The following TRABD2B variants were observed in gnomAD, a reference collection of about 807,000 sequenced individuals.
The protein encoded by TRABD2B is metalloprotease TIKI2.
TRABD2B carries 14 observed loss-of-function variants against 40.1 expected under a neutral mutation model. That is an observed-to-expected ratio of 0.35 (90% CI 0.23 to 0.55). The LOEUF is 0.55. Among genes scored for constraint, TRABD2B ranks in the 20% least tolerant of loss-of-function variants. The pLI is 0.90. For missense variants in TRABD2B, 541 were observed against 648.6 expected, an observed-to-expected ratio of 0.83 and a Z score of 1.80; for synonymous variants, 263 against 277.0, an observed-to-expected ratio of 0.95 and a Z score of 0.50.
At chr1:47,951,133 C>A (rs901649635) in intron 2 of TRABD2B, among the ~76,000 whole-genome samples, 5 of 152,218 alleles carry the variant, frequency 3.3e-5, no homozygotes, top group African/African-American at 1.2e-4. Context: ...GGCGTCGACT[C>A]TCCTTTCCTC....
intron 4 of TRABD2B, 28 bp downstream of exon 4, chr1:47,794,558 A>G (rs1644719600): frequency 6.7e-7 from 1 of 1,491,984 alleles, no homozygotes; most frequent in South Asian, 1.3e-5. Flanking sequence ...GATTCTGCAA[A>G]CAATCCCTTC....
At chr1:47,828,308 C>A (rs1190290725) in intron 2 of TRABD2B, among the ~76,000 whole-genome samples, 1 of 152,178 alleles carries the variant, frequency 6.6e-6, no homozygotes, top group African/African-American at 2.4e-5. Context: ...TCCTCACAAA[C>A]AGGCTCCTGA....
intron 4 of TRABD2B, among the ~76,000 whole-genome samples, chr1:47,788,000 A>G (rs919926404): frequency 1.8e-4 from 28 of 152,108 alleles, no homozygotes; most frequent in Non-Finnish European, 2.8e-4. Context: ...GATCAGGATG[A>G]CTTCCTGGTC....
intron 2 of TRABD2B, among the ~76,000 whole-genome samples, chr1:47,926,361 C>T (rs12061891): frequency 0.15 from 22,509 of 152,038 alleles, 1,918 homozygotes; most frequent in East Asian, 0.35. Flanking sequence ...TAGATCTGCC[C>T]GGGCCAAGTC....
chr1:47,972,109 T>C (rs10888592), intron 2 of TRABD2B, among the ~76,000 whole-genome samples: 40,783 of 152,126 alleles, frequency 0.27, 5,535 homozygotes, highest in East Asian at 0.29. Flanking sequence ...ATAAAAATTA[T>C]TGTTATTATT....
rs889155978 is a variant in TRABD2B at position 47,947,281 on chromosome 1, T to A, written c.666+46753A>T. On this transcript the variant is annotated intron_variant, in intron 2 of 6. Coordinates refer to ENST00000606738, the MANE Select transcript of TRABD2B (RefSeq NM_001194986.2). ...TTTATTTCTTGTCACTGTTAATCAC[T>A]GCAACTTTATGAGATTTGTGCTACT... Among the ~76,000 whole-genome samples, 8 of 152,290 alleles carry A rather than the reference T, an allele frequency of 5.3e-5. No homozygotes were observed. The East Asian group carries it at 1.4e-3, about 26-fold the overall frequency.
rs575698342 is a variant in TRABD2B at position 47,980,196 on chromosome 1, G to A, written c.666+13838C>T. On this transcript the variant is annotated intron_variant, in intron 2 of 6. Coordinates refer to ENST00000606738, the MANE Select transcript of TRABD2B (RefSeq NM_001194986.2). ...ATGAGTAACTATATTCCTTCAATCC[G>A]GATCAATATCACCATCAGCACCCAC... 5.9e-5 allele frequency among the ~76,000 whole-genome samples: 9 copies of A among 152,032 alleles called. No homozygotes were observed. The South Asian group carries it at 1.0e-3, about 18-fold the overall frequency.
chr1:47,909,378 C>A (rs577701236), intron 2 of TRABD2B, among the ~76,000 whole-genome samples: 1 of 151,028 alleles, frequency 6.6e-6, no homozygotes, highest in South Asian at 2.1e-4. Context: ...AGCCATGTCA[C>A]AGGGCGAGAG....
At chr1:47,979,803 A>G (rs974561177) in intron 2 of TRABD2B, among the ~76,000 whole-genome samples, 2 of 152,184 alleles carry the variant, frequency 1.3e-5, no homozygotes, top group Non-Finnish European at 1.5e-5. Flanking sequence ...CTCTGGTCTC[A>G]TTCAGTCACC....
At chr1:47,948,127 G>A (rs185656786) in intron 2 of TRABD2B, among the ~76,000 whole-genome samples, 19 of 152,214 alleles carry the variant, frequency 1.2e-4, no homozygotes, top group Admixed American at 5.9e-4. Context: ...TTCTAATGAC[G>A]CAGGCCGTAA....
intron 2 of TRABD2B, among the ~76,000 whole-genome samples, chr1:47,980,227 T>A (rs1399187749): frequency 6.6e-6 from 1 of 152,100 alleles, no homozygotes; most frequent in African/African-American, 2.4e-5. Context: ...CCCACCCCCA[T>A]AACATGGTGC....
At chr1:47,779,584 A>G (rs551899456) in intron 4 of TRABD2B, among the ~76,000 whole-genome samples, 9 of 152,308 alleles carry the variant, frequency 5.9e-5, no homozygotes, top group African/African-American at 2.2e-4. Context: ...AAGAACCCTC[A>G]GGAGGCCCAG....
In TRABD2B at chr1:47,775,398, G is replaced by A. The variant is rs1049499265; in HGVS notation, c.1121C>T (p.Ser374Leu). The A allele has an allele frequency of 1.9e-5, 23 of 1,236,838 alleles. No individual in the cohort carries two copies. Among genetic ancestry groups the A allele is most frequent in the Admixed American group, 4.2e-5 (1 of 23,856 alleles). The allele number at this position is 1,236,838 out of a possible 1,614,324, so 76.6% of individuals were successfully genotyped here. The change falls in exon 6 of 7, where the codon TCG (serine) becomes TTG (leucine). Residue 374 changes from serine (S) to leucine (L), a missense_variant. This residue lies in a region of TRABD2B where 172 missense variants were observed against 155.8 expected (regional missense o/e 1.10). Transcript: ENST00000606738. ...TGGGGTCACTGGGGCCGGGCTCGTCGAGGTCCCCTCAGGAGAGGGCGCTGG... is the reference window on the plus strand; with the variant it reads ...TGGGGTCACTGGGGCCGGGCTCGTCAAGGTCCCCTCAGGAGAGGGCGCTGG... ...QSPAPSPEGTSTSPAPVTPAA... is the reference protein window; with the variant it reads ...QSPAPSPEGTLTSPAPVTPAA...
At chr1:47,923,753 C>T (rs1364356280) in intron 2 of TRABD2B, among the ~76,000 whole-genome samples, 1 of 152,152 alleles carries the variant, frequency 6.6e-6, no homozygotes, top group Non-Finnish European at 1.5e-5. Flanking sequence ...CCTGACCTCC[C>T]TCAAGGGAGA....
intron 6 of TRABD2B, among the ~76,000 whole-genome samples, chr1:47,774,156 T>A (rs1644412125): frequency 6.6e-6 from 1 of 152,258 alleles, no homozygotes; most frequent in Admixed American, 6.5e-5. Flanking sequence ...TTCTGATACA[T>A]GAGGTCTGCG....
chr1:47,770,032 A>G (rs1049038646), intron 6 of TRABD2B, among the ~76,000 whole-genome samples: 5 of 152,178 alleles, frequency 3.3e-5, no homozygotes, highest in Non-Finnish European at 7.3e-5. Flanking sequence ...GGCTCCCTGG[A>G]GCAGGGGTGG....
At chr1:47,990,834 T>TAA (rs1344708745) in intron 2 of TRABD2B, among the ~76,000 whole-genome samples, 3 of 98,534 alleles carry the variant, frequency 3.0e-5, no homozygotes, top group African/African-American at 4.0e-5. Context: ...TATATATATA[T>TAA]AAAACGTTGG....
chr1:47,775,461 TG>T, intron 5 of TRABD2B, 22 bp from the exon 6 acceptor site: 3 of 1,234,202 alleles, frequency 2.4e-6, no homozygotes, highest in Non-Finnish European at 3.0e-6. Flanking sequence ...TAATGGCACA[TG>T]GGGCACATGT....
chr1:47,812,425 A>G (rs531886289), intron 2 of TRABD2B, among the ~76,000 whole-genome samples: 2 of 152,290 alleles, frequency 1.3e-5, no homozygotes, highest in African/African-American at 4.8e-5. Flanking sequence ...AGTAGCGTTG[A>G]GAAGGAAAGT....
Sources: allele counts gnomAD v4.1 joint callset (sites outside exome capture counted in the v4.1 genomes callset), GRCh38; gene constraint gnomAD v4.1.1; regional missense constraint gnomAD v4.1.1; transcripts MANE v1.5; gene names NCBI Gene and HGNC (gene_info 2026-07-23, HGNC 2026-07-21).